The following ATRNL1 variants were observed in gnomAD, a reference collection of about 807,000 sequenced individuals.
The protein encoded by ATRNL1 is attractin like 1.
In ATRNL1, 95 loss-of-function variants were observed where a neutral mutation model predicts 182.7. The ratio of observed to expected loss-of-function variants is 0.52; its 90% CI spans 0.44 to 0.62. The LOEUF is 0.62. ATRNL1 is among the 20% of genes least tolerant of loss of function. ATRNL1 has a pLI of 0.00. For synonymous variants in ATRNL1, 576 were observed against 568.3 expected, an observed-to-expected ratio of 1.01 and a Z score of -0.19; for missense variants, 1,471 against 1,679.5, an observed-to-expected ratio of 0.88 and a Z score of 2.17.
At chr10:115,274,526 C>T (rs1592364000) in intron 13 of ATRNL1, among the ~76,000 whole-genome samples, 1 of 152,300 alleles carries the variant, frequency 6.6e-6, no homozygotes, top group African/African-American at 2.4e-5. Flanking sequence ...ATTTCCCAAC[C>T]TCTGACACCA....
In ATRNL1 at chr10:115,291,750, A is replaced by G. The variant is rs185147748; in HGVS notation, c.2415+5353A>G. On this transcript the variant is annotated intron_variant, in intron 15 of 28. Transcript: ENST00000355044. ...GTATTGTTCTGATATTGTTGGATTCATTTTGCTAGTATTTTGTTGAGCATT... is the reference window on the plus strand; with the variant it reads ...GTATTGTTCTGATATTGTTGGATTCGTTTTGCTAGTATTTTGTTGAGCATT... Among the ~76,000 whole-genome samples the G allele has an allele frequency of 4.6e-3, 634 of 137,466 alleles. 7 individuals carry two copies. Among genetic ancestry groups the G allele is most frequent in the Non-Finnish European group, 4.6e-3 (297 of 64,048 alleles). 90.2% of individuals were successfully genotyped at this position (137,466 alleles called of 152,430 possible). A position where few individuals can be genotyped will look rare whatever the true frequency, so the allele number is the denominator to read the frequency against.
At chr10:115,200,370 C>T (rs1354754307) in intron 8 of ATRNL1, among the ~76,000 whole-genome samples, 2 of 105,114 alleles carry the variant, frequency 1.9e-5, no homozygotes, top group Non-Finnish European at 3.7e-5. Flanking sequence ...AATGCTATCC[C>T]TCCCCCCTCC....
At chr10:115,753,870 A>G (rs539365626) in intron 27 of ATRNL1, among the ~76,000 whole-genome samples, 2 of 152,266 alleles carry the variant, frequency 1.3e-5, no homozygotes, top group African/African-American at 4.8e-5. Context: ...TCGCCATTCT[A>G]ACTGATGTGA....
intron 18 of ATRNL1, among the ~76,000 whole-genome samples, chr10:115,326,775 C>T (rs1463591893): frequency 2.0e-4 from 30 of 152,038 alleles, no homozygotes; most frequent in Admixed American, 1.7e-3. Context: ...TCAGAAATAA[C>T]GCTGCACATC....
At chr10:115,197,633 TATGGGGGATTGATTCCAG>T (rs770335258) in intron 8 of ATRNL1, among the ~76,000 whole-genome samples, 3,704 of 152,214 alleles carry the variant, frequency 0.024, 62 homozygotes, top group Non-Finnish European at 0.037. Flanking sequence ...CCTCAGTATA[TATGGGGGATTGATTCCAG>T]GACCCCATAC....
At chr10:115,407,216 T>A (rs1844873352) in intron 20 of ATRNL1, among the ~76,000 whole-genome samples, 2 of 150,794 alleles carry the variant, frequency 1.3e-5, no homozygotes, top group African/African-American at 5.0e-5. Flanking sequence ...ATTTATAATC[T>A]GTTTGTGTTA....
intron 27 of ATRNL1, among the ~76,000 whole-genome samples, chr10:115,750,519 C>T (rs1948419043): frequency 6.6e-6 from 1 of 151,418 alleles, no homozygotes; most frequent in Non-Finnish European, 1.5e-5. Flanking sequence ...TAGGAGAAAA[C>T]AAAGGTGAAT....
intron 21 of ATRNL1, among the ~76,000 whole-genome samples, chr10:115,458,012 A>G (rs1466518935): frequency 1.3e-5 from 2 of 152,086 alleles, no homozygotes; most frequent in East Asian, 3.8e-4. Context: ...ATTTGAATTG[A>G]TTTATAGTCA....
intron 28 of ATRNL1, among the ~76,000 whole-genome samples, chr10:115,912,909 A>G (rs1443634306): frequency 2.0e-5 from 3 of 152,154 alleles, no homozygotes; most frequent in Non-Finnish European, 1.5e-5. Context: ...GGCTGCCACC[A>G]CTTACTAACC....
chr10:115,828,240 C>A (rs1402248613), intron 27 of ATRNL1, among the ~76,000 whole-genome samples: 4 of 152,062 alleles, frequency 2.6e-5, no homozygotes, highest in African/African-American at 9.7e-5. Flanking sequence ...TCACTTGAAC[C>A]TGGGAGCCAG....
At chr10:115,883,683 A>G (rs1951879280) in intron 28 of ATRNL1, among the ~76,000 whole-genome samples, 1 of 152,238 alleles carries the variant, frequency 6.6e-6, no homozygotes, top group Admixed American at 6.5e-5. Flanking sequence ...CAACTAATTA[A>G]TAGTGCTGGG....
At chr10:115,776,626 C>T (rs972143165) in intron 27 of ATRNL1, among the ~76,000 whole-genome samples, 2 of 141,842 alleles carry the variant, frequency 1.4e-5, no homozygotes, top group East Asian at 2.0e-4. Flanking sequence ...GCTAGAGGCT[C>T]GTACATCTTA....
At chr10:115,603,409 A>G (rs150619783) in intron 26 of ATRNL1, among the ~76,000 whole-genome samples, 1 of 152,300 alleles carries the variant, frequency 6.6e-6, no homozygotes, top group Non-Finnish European at 1.5e-5. Context: ...AGGGTTTTAG[A>G]AACTGTTTTA....
At chr10:115,281,316 T>C (rs782249424) in intron 13 of ATRNL1, 39 bp from the exon 14 acceptor site, 299 of 1,590,010 alleles carry the variant, frequency 1.9e-4, no homozygotes, top group Non-Finnish European at 2.5e-4. Flanking sequence ...ATCATTGCTG[T>C]ACAAAGGTGA....
chr10:115,397,023 G>C (rs1844322367), intron 20 of ATRNL1, among the ~76,000 whole-genome samples: 1 of 151,826 alleles, frequency 6.6e-6, no homozygotes, highest in Non-Finnish European at 1.5e-5. Flanking sequence ...TTTGTACACA[G>C]AATTCCATTC....
intron 26 of ATRNL1, among the ~76,000 whole-genome samples, chr10:115,549,737 A>T (rs1852856776): frequency 6.6e-6 from 1 of 151,998 alleles, no homozygotes; most frequent in African/African-American, 2.4e-5. Flanking sequence ...TTGTAAAAGC[A>T]TTGGTTTGTT....
Position 115,374,453 on chromosome 10 carries a change from T to TTTCCTTCCTTCCTTCCTTCCTTCC in ATRNL1, c.3176-20194_3176-20171dup, listed in dbSNP as rs149427595. Among the ~76,000 whole-genome samples, 477 of 135,864 alleles carry TTTCCTTCCTTCCTTCCTTCCTTCC rather than the reference T, an allele frequency of 3.5e-3. 3 individuals are homozygous for TTTCCTTCCTTCCTTCCTTCCTTCC. Among genetic ancestry groups the TTTCCTTCCTTCCTTCCTTCCTTCC allele is most frequent in the African/African-American group, 9.8e-3 (337 of 34,414 alleles). 89.1% of individuals were successfully genotyped at this position (135,864 alleles called of 152,430 possible). ...TCTCCTTCTCCTTCTCCTTCCTTCC[T>TTTCCTTCCTTCCTTCCTTCCTTCC]TTCCTTCCTTCCTTCCTTCCTTCCT... On this transcript the variant is annotated intron_variant, in intron 19 of 28. Transcript: ENST00000355044.
At chr10:115,690,710 G>A (rs1946363789) in intron 26 of ATRNL1, among the ~76,000 whole-genome samples, 2 of 152,198 alleles carry the variant, frequency 1.3e-5, no homozygotes, top group African/African-American at 4.8e-5. Context: ...AGGGCAAGAT[G>A]CAGTCCCATG....
intron 8 of ATRNL1, among the ~76,000 whole-genome samples, chr10:115,179,147 T>C (rs1038302740): frequency 3.9e-5 from 6 of 152,298 alleles, no homozygotes; most frequent in Admixed American, 3.9e-4. Context: ...TTGTGTACTA[T>C]ACGTAATTAT....
Sources: gnomAD v4.1 joint callset for allele counts (sites outside exome capture counted in the v4.1 genomes callset) on GRCh38, gnomAD v4.1.1 for gene constraint, MANE v1.5 for transcripts, NCBI Gene and HGNC (gene_info 2026-07-23, HGNC 2026-07-21) for gene names.